PLEKHG1: variants seen among roughly 807,000 people sequenced by gnomAD.
The protein encoded by PLEKHG1 is pleckstrin homology and RhoGEF domain containing G1, also known as pleckstrin homology domain-containing family G member 1.
In PLEKHG1, 44 loss-of-function variants were observed where a neutral mutation model predicts 100.8. The observed-to-expected ratio is 0.44, with a 90% confidence interval of 0.34 to 0.56. The LOEUF is 0.56. PLEKHG1 is among the 20% of genes least tolerant of loss of function. The probability of loss-of-function intolerance (pLI) is 0.01; values close to 1 mark genes in which losing one functional copy is unlikely to be tolerated. For missense variants in PLEKHG1, 1,545 were observed against 1,720.9 expected (o/e 0.90, Z 1.81); for synonymous variants, 640 against 662.5 (o/e 0.97, Z 0.52).
In PLEKHG1 at chr6:150,683,844, G is replaced by A. The variant is rs1427250897; in HGVS notation, c.-99+33058G>A. 4.7e-6 allele frequency: 6 copies of A among 1,285,564 alleles called. No homozygotes were observed. Among genetic ancestry groups the A allele is most frequent in the Middle Eastern group, 2.1e-4 (1 of 4,688 alleles). 79.6% of individuals were successfully genotyped at this position (1,285,564 alleles called of 1,614,324 possible). ...TGTTCTGGGCCAAAGCATCACAGGC[G>A]AGTGAAATATGGGAATATTGAAGGG... On this transcript the variant is annotated intron_variant, in intron 3 of 3. Coordinates refer to the PLEKHG1 transcript ENST00000367326. This position sits in a 1 kb window ranked among gnomAD's most constrained non-coding sequence, Gnocchi z 4.0.
At chr6:150,781,496 T>C (rs1326772071) in intron 3 of PLEKHG1, among the ~76,000 whole-genome samples, 1 of 151,398 alleles carries the variant, frequency 6.6e-6, no homozygotes, top group Non-Finnish European at 1.5e-5. Flanking sequence ...AGATGCGAGA[T>C]TCCATCTCCA....
chr6:150,734,193 C>G, intron 2 of PLEKHG1, 101 bp downstream of exon 3: 1 of 1,156,512 alleles, frequency 8.6e-7, no homozygotes, highest in Non-Finnish European at 1.2e-6. Flanking sequence ...TTCTAAGAGG[C>G]GGAAGGGATG....
intron 3 of PLEKHG1, among the ~76,000 whole-genome samples, chr6:150,691,613 C>T (rs1257153466): frequency 6.6e-6 from 1 of 152,148 alleles, no homozygotes; most frequent in Admixed American, 6.5e-5. Context: ...TAATGACAGC[C>T]TATAATCATC....
At chr6:150,807,775 C>T (rs138670913) in intron 7 of PLEKHG1, among the ~76,000 whole-genome samples, 141 of 152,128 alleles carry the variant, frequency 9.3e-4, no homozygotes, top group Middle Eastern at 6.8e-3. Context: ...TTGAGACCAG[C>T]CTGGCCAACA....
intron 2 of PLEKHG1, among the ~76,000 whole-genome samples, chr6:150,753,372 T>G (rs974840979): frequency 6.6e-6 from 1 of 152,100 alleles, no homozygotes; most frequent in African/African-American, 2.4e-5. Flanking sequence ...AAAAAAGCCT[T>G]TATCTCTTTG....
intron 15 of PLEKHG1, 72 bp downstream of exon 16, chr6:150,832,277 T>C: frequency 3.2e-6 from 4 of 1,248,294 alleles, no homozygotes; most frequent in Non-Finnish European, 4.4e-6. Flanking sequence ...CAGATGTCCT[T>C]AAAACGGACA....
At chr6:150,632,566 C>T (rs752245180) in intron 1 of PLEKHG1, among the ~76,000 whole-genome samples, 27 of 152,220 alleles carry the variant, frequency 1.8e-4, no homozygotes, top group Non-Finnish European at 3.7e-4. Flanking sequence ...TGGCCTCTCC[C>T]GCTTCCTCCA....
At chr6:150,696,939 C>G (rs1393378368) in intron 3 of PLEKHG1, among the ~76,000 whole-genome samples, 1 of 151,972 alleles carries the variant, frequency 6.6e-6, no homozygotes, top group Non-Finnish European at 1.5e-5. Flanking sequence ...GAAACCCCAT[C>G]TCTACTAAAA....
At chr6:150,795,776 C>T in intron 4 of PLEKHG1, 80 bp from the exon 6 acceptor site, 2 of 786,068 alleles carry the variant, frequency 2.5e-6, no homozygotes, top group Non-Finnish European at 2.2e-6. Context: ...GGCCCGAATG[C>T]TATTTCTTTT....
chr6:150,622,036 C>G (rs746444465), intron 1 of PLEKHG1, among the ~76,000 whole-genome samples: 1 of 152,126 alleles, frequency 6.6e-6, no homozygotes, highest in Non-Finnish European at 1.5e-5. Flanking sequence ...CTTACTTCTC[C>G]CTAATACCAT....
At chr6:150,679,257 C>T (rs961350858) in intron 3 of PLEKHG1, among the ~76,000 whole-genome samples, 8 of 152,120 alleles carry the variant, frequency 5.3e-5, no homozygotes, top group Middle Eastern at 3.4e-3. Context: ...TATAATTTAA[C>T]GTAAGTTGTA....
chr6:150,817,615 T>C (rs1174554826), intron 10 of PLEKHG1, among the ~76,000 whole-genome samples: 1 of 147,112 alleles, frequency 6.8e-6, no homozygotes, highest in East Asian at 2.0e-4. Context: ...TAGAGTGCAG[T>C]GGCTCAATCT....
chr6:150,748,985 T>G (rs1487480036), intron 2 of PLEKHG1, among the ~76,000 whole-genome samples: 1 of 152,070 alleles, frequency 6.6e-6, no homozygotes, highest in East Asian at 1.9e-4. Flanking sequence ...ATGGGGGAGA[T>G]GTTGTGTTCC....
At chr6:150,657,914 G>A (rs1779032396) in intron 3 of PLEKHG1, among the ~76,000 whole-genome samples, 1 of 152,196 alleles carries the variant, frequency 6.6e-6, no homozygotes, top group Non-Finnish European at 1.5e-5. Context: ...CTGTGGATAA[G>A]GAATCCAGTG....
chr6:150,650,169 C>G, intron 2 of PLEKHG1, among the ~76,000 whole-genome samples: 1 of 151,956 alleles, frequency 6.6e-6, no homozygotes, highest in Non-Finnish European at 1.5e-5. Context: ...CCCCTCAACT[C>G]TCTTGCACTG....
Position 150,754,745 on chromosome 6 carries a change from C to T in PLEKHG1, c.412-13893C>T, listed in dbSNP as rs568532873. Among the ~76,000 whole-genome samples, 5 of 151,444 alleles carry T rather than the reference C, an allele frequency of 3.3e-5. No homozygotes were observed. The South Asian group carries it at 1.0e-3, about 32-fold the overall frequency. On this transcript the variant is annotated intron_variant, in intron 2 of 15. Coordinates refer to ENST00000358517, the Ensembl canonical transcript of PLEKHG1. ...GGGCAATGGCACAATCTTGGCTCAC[C>T]GCAACCTCTGCCTCCAGGGTTCAAG...
intron 4 of PLEKHG1, among the ~76,000 whole-genome samples, chr6:150,788,102 C>T (rs927313968): frequency 2.0e-5 from 3 of 152,224 alleles, no homozygotes; most frequent in African/African-American, 4.8e-5. Flanking sequence ...GCTTAGCTCT[C>T]GCTTAATTAT....
In PLEKHG1 at chr6:150,821,240, C is replaced by T. The variant is rs368262865; in HGVS notation, c.1447+7C>T. ...AAAGTTTTGAAGACCAGTGGTAAGTCGTAAAATATATTTTCCTGTTTCATT... is the reference window on the plus strand; with the variant it reads ...AAAGTTTTGAAGACCAGTGGTAAGTTGTAAAATATATTTTCCTGTTTCATT... On this transcript the variant is annotated splice_region_variant and intron_variant, in intron 13 of 15. Transcript: ENST00000358517. The T allele has an allele frequency of 1.8e-5, 29 of 1,594,314 alleles. No individual in the cohort carries two copies. Among genetic ancestry groups the T allele is most frequent in the Admixed American group, 5.0e-5 (3 of 59,912 alleles).
At chr6:150,634,709 A>G (rs541370027) in intron 1 of PLEKHG1, among the ~76,000 whole-genome samples, 2 of 152,380 alleles carry the variant, frequency 1.3e-5, no homozygotes, top group South Asian at 4.1e-4. Flanking sequence ...TAATTCTGGA[A>G]GAAAACCCAT....
Sources: allele counts gnomAD v4.1 joint callset (sites outside exome capture counted in the v4.1 genomes callset), GRCh38; gene constraint gnomAD v4.1.1; non-coding constraint Gnocchi (gnomAD v3.1); transcripts MANE v1.5; gene names NCBI Gene and HGNC (gene_info 2026-07-23, HGNC 2026-07-21).